Variants in PDPR observed in about 807,000 individuals in gnomAD.
The protein encoded by PDPR is pyruvate dehydrogenase phosphatase regulatory subunit, also known as pyruvate dehydrogenase phosphatase regulatory subunit, mitochondrial.
Under a neutral mutation model 102.2 loss-of-function variants are expected in PDPR, and 50 were observed. The observed-to-expected ratio is 0.49, with a 90% confidence interval of 0.39 to 0.62. PDPR has a LOEUF of 0.62. Among genes scored for constraint, PDPR ranks in the 20% least tolerant of loss-of-function variants. PDPR has a pLI of 0.00. For synonymous variants in PDPR, 259 were observed against 406.0 expected (o/e 0.64, Z 4.35); for missense variants, 625 against 1,098.2 (o/e 0.57, Z 6.09).
intron 11 of PDPR, among the ~76,000 whole-genome samples, chr16:70,140,572 A>G (rs868775943): frequency 0.019 from 2,854 of 149,752 alleles, no homozygotes; most frequent in Non-Finnish European, 0.025. Flanking sequence ...TAATCCCAGC[A>G]TGTTGGGAGG....
At chr16:70,149,133 G>A (rs1425052882) in intron 17 of PDPR, among the ~76,000 whole-genome samples, 1 of 151,742 alleles carries the variant, frequency 6.6e-6, no homozygotes, top group Non-Finnish European at 1.5e-5. Flanking sequence ...GACCTCAGGT[G>A]ATACACCCAC....
Position 70,145,372 on chromosome 16 carries a change from G to A in PDPR, c.1868-762G>A, listed in dbSNP as rs192026162. 2.1e-4 allele frequency among the ~76,000 whole-genome samples: 32 copies of A among 152,332 alleles called. No homozygotes were observed. The South Asian group carries it at 4.6e-3, about 22-fold the overall frequency. On this transcript the variant is annotated intron_variant, in intron 15 of 18. Transcript: ENST00000288050. ...AGGCTGGTCTTGAACTCTTGACCTC[G>A]TGATCCACCTGCTTCGGCCTCCCAA...
chr16:70,159,266 G>A lies in PDPR; in HGVS notation c.*2387G>A, dbSNP rs928873144. The A allele has an allele frequency of 7.2e-5, 11 of 152,378 alleles. No homozygotes were observed. Among genetic ancestry groups the A allele is most frequent in the African/African-American group, 2.7e-4 (11 of 41,480 alleles). 9.4% of individuals were successfully genotyped at this position (152,378 alleles called of 1,614,324 possible). ...TGTCCAAAATTATGCACTGTTTGTTGAAGTAGAACCAGAAATCCTGACCTC... is the reference window on the plus strand; with the variant it reads ...TGTCCAAAATTATGCACTGTTTGTTAAAGTAGAACCAGAAATCCTGACCTC... On this transcript the variant is annotated 3_prime_UTR_variant, in exon 19 of 19. Coordinates refer to ENST00000288050, the MANE Select transcript of PDPR (RefSeq NM_017990.5).
chr16:70,137,077 G>T (rs1418037270), intron 10 of PDPR, among the ~76,000 whole-genome samples: 3 of 152,158 alleles, frequency 2.0e-5, no homozygotes, highest in African/African-American at 7.2e-5. Context: ...ACTAGGCCGG[G>T]CGCAGTGGCT....
chr16:70,150,650 A>T (rs1050326393), intron 17 of PDPR, among the ~76,000 whole-genome samples: 14 of 151,202 alleles, frequency 9.3e-5, no homozygotes, highest in Admixed American at 3.3e-4. Flanking sequence ...TGGGACTACA[A>T]GCATGTGCCA....
chr16:70,126,447 T>G (rs1167486022), intron 3 of PDPR, among the ~76,000 whole-genome samples: 2 of 152,288 alleles, frequency 1.3e-5, no homozygotes, highest in East Asian at 1.9e-4. Flanking sequence ...CACTGCAAGC[T>G]CCACCTCCCG....
intron 17 of PDPR, among the ~76,000 whole-genome samples, chr16:70,151,698 C>T (rs1397302645): frequency 6.6e-6 from 1 of 152,276 alleles, no homozygotes; most frequent in Admixed American, 6.5e-5. Context: ...TTTCTGATTT[C>T]CCTGGGCTGT....
chr16:70,153,031 A>G (rs1386158115), intron 17 of PDPR, among the ~76,000 whole-genome samples: 3 of 152,288 alleles, frequency 2.0e-5, no homozygotes, highest in African/African-American at 7.2e-5. Flanking sequence ...GATGAAGACC[A>G]TGGAGGGTTG....
At chr16:70,154,173 CA>C (rs1173307502) in intron 18 of PDPR, among the ~76,000 whole-genome samples, 1 of 151,878 alleles carries the variant, frequency 6.6e-6, no homozygotes, top group Non-Finnish European at 1.5e-5. Context: ...AAAAAATTTA[CA>C]AAAAGTAGCT....
chr16:70,115,593 T>TA (rs1465487265), intron 2 of PDPR, among the ~76,000 whole-genome samples: 9 of 152,316 alleles, frequency 5.9e-5, no homozygotes, highest in Admixed American at 4.6e-4. Context: ...AAATGTTGTG[T>TA]GAACCCACGC....
intron 16 of PDPR, 133 bp downstream of exon 16, chr16:70,146,361 G>A: frequency 5.0e-6 from 7 of 1,389,402 alleles, no homozygotes; most frequent in African/African-American, 1.4e-5. Flanking sequence ...GCACATGCCT[G>A]TAATCCTAGC....
At chr16:70,122,151 T>C (rs1963378408) in intron 3 of PDPR, among the ~76,000 whole-genome samples, 1 of 152,220 alleles carries the variant, frequency 6.6e-6, no homozygotes, top group Non-Finnish European at 1.5e-5. Context: ...CATGCCCGGC[T>C]AATTTCTGTT....
intron 16 of PDPR, among the ~76,000 whole-genome samples, chr16:70,148,251 C>T (rs1567555653): frequency 6.6e-6 from 1 of 152,250 alleles, no homozygotes; most frequent in Admixed American, 6.5e-5. Context: ...GAGATGGTAA[C>T]AGTAGCAAGC....
chr16:70,129,747 C>G (rs1287504314), intron 6 of PDPR, among the ~76,000 whole-genome samples: 2 of 152,390 alleles, frequency 1.3e-5, no homozygotes, highest in Middle Eastern at 3.4e-3. Context: ...CACCTGAAAT[C>G]ATGAGCCCAG....
intron 17 of PDPR, among the ~76,000 whole-genome samples, chr16:70,150,132 T>A (rs1966604992): frequency 8.8e-6 from 1 of 113,090 alleles, no homozygotes. Flanking sequence ...AGATGAAGTC[T>A]CACACTTGTC....
intron 9 of PDPR, among the ~76,000 whole-genome samples, chr16:70,133,033 G>A (rs933174508): frequency 2.6e-5 from 4 of 151,300 alleles, no homozygotes; most frequent in African/African-American, 9.7e-5. Flanking sequence ...GGCTGGTCTC[G>A]AACTCTTGGG....
intron 15 of PDPR, 113 bp downstream of exon 15, chr16:70,144,646 A>G (rs1597362884): frequency 3.5e-6 from 2 of 571,152 alleles, no homozygotes; most frequent in Middle Eastern, 5.0e-4. Context: ...AGCATAAAAG[A>G]GGCTCTCTGG....
At chr16:70,156,063 T>C (rs1388208311) in intron 18 of PDPR, among the ~76,000 whole-genome samples, 2 of 152,202 alleles carry the variant, frequency 1.3e-5, no homozygotes, top group Admixed American at 1.3e-4. Flanking sequence ...CTTATTTTTG[T>C]ATTTTTAGTA....
At position 70,157,433 on chromosome 16, in the gene PDPR, C is replaced by G. The variant is rs1413487569; in HGVS notation, c.*554C>G. On this transcript the variant is annotated 3_prime_UTR_variant, in exon 19 of 19. Coordinates refer to ENST00000288050, the MANE Select transcript of PDPR (RefSeq NM_017990.5). The stretch of plus-strand genomic sequence containing the variant: ...ATACCTCTGGCAAGAGGATGATTAT[C>G]TACCTCACTGATAAGAGGCATCGCA... 1 of 354,088 alleles carries G rather than the reference C, an allele frequency of 2.8e-6. No homozygotes were observed. The highest frequency in any genetic ancestry group is 5.5e-6 in the Non-Finnish European group (1 of 180,644). The allele number at this position is 354,088 out of a possible 1,614,324, so 21.9% of individuals were successfully genotyped here. A position where few individuals can be genotyped will look rare whatever the true frequency, so the allele number is the denominator to read the frequency against.
Sources: allele counts gnomAD v4.1 joint callset (sites outside exome capture counted in the v4.1 genomes callset), GRCh38; gene constraint gnomAD v4.1.1; transcripts MANE v1.5; gene names NCBI Gene and HGNC (gene_info 2026-07-23, HGNC 2026-07-21).